Variants in FMN1 observed in about 807,000 individuals in gnomAD.
FMN1 encodes formin 1.
A neutral mutation model predicts 132.4 loss-of-function variants in FMN1; 110 were observed. That is an observed-to-expected ratio of 0.83 (90% CI 0.71 to 0.97). The LOEUF (loss-of-function observed/expected upper bound fraction) is 0.97. Ranked by LOEUF, FMN1 falls within the 50% of genes least tolerant of loss-of-function variation. FMN1 has a pLI of 0.00. For synonymous variants in FMN1, 722 were observed against 651.7 expected (o/e 1.11, Z -1.64); for missense variants, 1,792 against 1,705.3 (o/e 1.05, Z -0.90).
chr15:32,887,730 T>C (rs948288601), intron 16 of FMN1, among the ~76,000 whole-genome samples: 2 of 152,196 alleles, frequency 1.3e-5, no homozygotes, highest in Non-Finnish European at 2.9e-5. Context: ...CAGACTTGAT[T>C]AGACTTGATT....
At chr15:32,927,789 G>A (rs2060999936) in intron 9 of FMN1, among the ~76,000 whole-genome samples, 1 of 152,138 alleles carries the variant, frequency 6.6e-6, no homozygotes, top group African/African-American at 2.4e-5. Context: ...AAAAATAAAA[G>A]AGAAGCACCC....
intron 5 of FMN1, among the ~76,000 whole-genome samples, chr15:33,070,294 C>T (rs548464157): frequency 6.0e-4 from 91 of 151,668 alleles, no homozygotes; most frequent in Admixed American, 1.6e-3. Flanking sequence ...CATGAGCCAC[C>T]GCGCCCGGCC....
At chr15:32,884,679 TA>T (rs2141463497) in intron 16 of FMN1, among the ~76,000 whole-genome samples, 1 of 152,322 alleles carries the variant, frequency 6.6e-6, no homozygotes, top group African/African-American at 2.4e-5. Context: ...AGAATGAAAG[TA>T]ACTATTGCCA....
intron 3 of FMN1, among the ~76,000 whole-genome samples, chr15:33,172,476 G>C (rs1301622681): frequency 1.3e-5 from 2 of 152,218 alleles, no homozygotes; most frequent in Admixed American, 1.3e-4. Flanking sequence ...CTCTTCATGA[G>C]TGATGGGTAC....
chr15:33,064,910 T>G (rs1416420402), intron 6 of FMN1, 47 bp downstream of exon 6: 6 of 1,327,092 alleles, frequency 4.5e-6, no homozygotes, highest in Non-Finnish European at 6.4e-6. Context: ...TAAAAGCCAT[T>G]GCAGGAAGAG....
At chr15:32,817,675 G>A (rs966729939) in intron 17 of FMN1, among the ~76,000 whole-genome samples, 17 of 152,320 alleles carry the variant, frequency 1.1e-4, no homozygotes, top group Admixed American at 5.2e-4. Flanking sequence ...ATTAGCAGAA[G>A]CAATCATTAT....
chr15:33,129,368 G>A (rs1963435696), intron 4 of FMN1, among the ~76,000 whole-genome samples: 1 of 152,156 alleles, frequency 6.6e-6, no homozygotes, highest in Non-Finnish European at 1.5e-5. Flanking sequence ...TCTGAGGCTG[G>A]TGTAGCAATG....
chr15:32,807,108 G>A (rs1268906168), intron 17 of FMN1, among the ~76,000 whole-genome samples: 1 of 152,184 alleles, frequency 6.6e-6, no homozygotes, highest in African/African-American at 2.4e-5. Flanking sequence ...GATAAAGCTT[G>A]CTTAAAAAGA....
chr15:33,138,562 T>A (rs1963871697), intron 4 of FMN1, among the ~76,000 whole-genome samples: 1 of 152,046 alleles, frequency 6.6e-6, no homozygotes, highest in Admixed American at 6.6e-5. Context: ...CCTAGCAAAC[T>A]TTGTATTTTC....
At position 33,031,015 on chromosome 15, in the gene FMN1, C is replaced by A. The variant is rs1045941944; in HGVS notation, c.2162-22940G>T. On this transcript the variant is annotated intron_variant, in intron 6 of 20. Transcript: ENST00000616417. ...CCGACAGGCCCTGGTGTGCAATGTTCCCCTCCCTGTGTCCATGTGTTCTCA... is the reference window on the plus strand; with the variant it reads ...CCGACAGGCCCTGGTGTGCAATGTTACCCTCCCTGTGTCCATGTGTTCTCA... Among the ~76,000 whole-genome samples, 3 of 142,412 alleles carry A rather than the reference C, an allele frequency of 2.1e-5. No individual in the cohort carries two copies. In the Admixed American group the frequency reaches 2.2e-4, roughly 10 times the overall value. 93.4% of individuals were successfully genotyped at this position (142,412 alleles called of 152,430 possible).
At chr15:33,036,702 G>T (rs975547265) in intron 6 of FMN1, among the ~76,000 whole-genome samples, 1 of 152,154 alleles carries the variant, frequency 6.6e-6, no homozygotes, top group Admixed American at 6.5e-5. Flanking sequence ...TACTTCACAG[G>T]GTTATAATAA....
At chr15:32,999,647 A>C (rs2033978917) in intron 7 of FMN1, among the ~76,000 whole-genome samples, 1 of 152,244 alleles carries the variant, frequency 6.6e-6, no homozygotes, top group Non-Finnish European at 1.5e-5. Flanking sequence ...TATGCATGTG[A>C]TAAATGGGGT....
chr15:32,828,757 T>C (rs1246068592), intron 17 of FMN1, among the ~76,000 whole-genome samples: 1 of 152,224 alleles, frequency 6.6e-6, no homozygotes, highest in Admixed American at 6.5e-5. Flanking sequence ...AAATCATATT[T>C]TTTTAGTAAC....
At chr15:32,980,633 T>C (rs2032578873) in intron 7 of FMN1, among the ~76,000 whole-genome samples, 1 of 152,252 alleles carries the variant, frequency 6.6e-6, no homozygotes, top group African/African-American at 2.4e-5. Flanking sequence ...TATTTCAGTC[T>C]TTGGAATACC....
intron 17 of FMN1, among the ~76,000 whole-genome samples, chr15:32,855,915 C>T (rs2059120547): frequency 6.6e-6 from 1 of 151,784 alleles, no homozygotes; most frequent in Non-Finnish European, 1.5e-5. Flanking sequence ...TCTTTGCTCT[C>T]AAGATGGTAC....
chr15:33,180,137 G>A (rs1965644847), intron 3 of FMN1, 61 bp downstream of exon 3: 1 of 152,166 alleles, frequency 6.6e-6, no homozygotes, highest in African/African-American at 2.4e-5. Flanking sequence ...AGGAGCCCAG[G>A]GCCAGAGCAC....
At chr15:32,989,866 T>G (rs1387914096) in intron 7 of FMN1, among the ~76,000 whole-genome samples, 1 of 151,806 alleles carries the variant, frequency 6.6e-6, no homozygotes, top group Non-Finnish European at 1.5e-5. Flanking sequence ...GCATCTGAGG[T>G]TTTTGGCCTA....
intron 5 of FMN1, among the ~76,000 whole-genome samples, chr15:33,069,302 T>C (rs1416394730): frequency 6.6e-6 from 1 of 152,184 alleles, no homozygotes; most frequent in African/African-American, 2.4e-5. Flanking sequence ...CCTATCTACC[T>C]GAAGGCCTCA....
At chr15:33,169,953 G>A (rs996988479) in intron 3 of FMN1, among the ~76,000 whole-genome samples, 2 of 151,864 alleles carry the variant, frequency 1.3e-5, no homozygotes, top group African/African-American at 2.4e-5. Flanking sequence ...AAGAGGTCAG[G>A]ATTACCAAGA....
Sources: gnomAD v4.1 joint callset for allele counts (sites outside exome capture counted in the v4.1 genomes callset) on GRCh38, gnomAD v4.1.1 for gene constraint, MANE v1.5 for transcripts, NCBI Gene and HGNC (gene_info 2026-07-23, HGNC 2026-07-21) for gene names.